AGPAT4: variants seen among roughly 807,000 people sequenced by gnomAD.
AGPAT4 encodes 1-acyl-sn-glycerol-3-phosphate acyltransferase delta.
AGPAT4 carries 15 observed loss-of-function variants against 48.0 expected under a neutral mutation model. The observed-to-expected ratio is 0.31, with a 90% CI of 0.21 to 0.48. The LOEUF is 0.48. AGPAT4 is among the 20% of genes least tolerant of loss of function. The probability of loss-of-function intolerance (pLI) is 0.99; values close to 1 mark genes in which losing one functional copy is unlikely to be tolerated. For synonymous variants in AGPAT4, 178 were observed against 198.7 expected (o/e 0.90, Z 0.88); for missense variants, 314 against 482.5 (o/e 0.65, Z 3.27).
At position 161,195,851 on chromosome 6, in the gene AGPAT4, T is replaced by C. The variant is rs879415394; in HGVS notation, c.179-29434A>G. 3.3e-5 allele frequency among the ~76,000 whole-genome samples: 5 copies of C among 152,246 alleles called. No homozygotes were observed. The highest frequency in any genetic ancestry group is 5.9e-5 in the Non-Finnish European group (4 of 68,040). ...CAGGTGTCAGGGCCAGCAGGCAGGC[T>C]GATTGTCTAGCGTTGGCATTAGGGC... On this transcript the variant is annotated intron_variant, in intron 2 of 8. Transcript: ENST00000320285. The surrounding 1 kb of genome is among the most constrained non-coding windows in gnomAD (Gnocchi z 5.0).
chr6:161,220,722 C>A lies in AGPAT4; in HGVS notation c.178+11314G>T, dbSNP rs73017414. 6.6e-6 allele frequency among the ~76,000 whole-genome samples: 1 copy of A among 152,076 alleles called. No individual in the cohort carries two copies. The highest frequency in any genetic ancestry group is 2.4e-5 in the African/African-American group (1 of 41,438). ...GGACAGTTTCATTCTATCTTTCCTA[C>A]GCAGACTGCCCCATTGGTTGTGCAA... On this transcript the variant is annotated intron_variant, in intron 2 of 8. Transcript: ENST00000320285. This position sits in a 1 kb window ranked among gnomAD's most constrained non-coding sequence, Gnocchi z 6.0.
rs1782233930 is a variant in AGPAT4 at position 161,234,989 on chromosome 6, C to T, written c.-89-2687G>A. On this transcript the variant is annotated intron_variant, in intron 1 of 8. Transcript: ENST00000320285. The surrounding 1 kb of genome is among the most constrained non-coding windows in gnomAD (Gnocchi z 4.4). The stretch of plus-strand genomic sequence containing the variant: ...AGCATTGGTGAAGTGTAAAGAGGAA[C>T]CCCAAGCAGATGAGCCTAAAGAGAA... Among the ~76,000 whole-genome samples, 1 of 151,716 alleles carries T rather than the reference C, an allele frequency of 6.6e-6. No homozygotes were observed. The highest frequency in any genetic ancestry group is 6.6e-5 in the Admixed American group (1 of 15,222).
chr6:161,167,284 G>T (rs1388763307), intron 2 of AGPAT4, among the ~76,000 whole-genome samples: 1 of 152,172 alleles, frequency 6.6e-6, no homozygotes, highest in Non-Finnish European at 1.5e-5. Flanking sequence ...TAAGTGTAGT[G>T]GTGTGATCAC....
In AGPAT4 at chr6:161,154,669, A is replaced by T. The variant is rs1247452601; in HGVS notation, c.349-359T>A. Among the ~76,000 whole-genome samples, 1 of 152,204 alleles carries T rather than the reference A, an allele frequency of 6.6e-6. No homozygotes were observed. The highest frequency in any genetic ancestry group is 1.5e-5 in the Non-Finnish European group (1 of 68,032). The stretch of plus-strand genomic sequence containing the variant: ...GGTTATCACCGTCACATACTCGCTA[A>T]GCCCACCGTGCAGCTGTGTGACACT... On this transcript the variant is annotated intron_variant, in intron 3 of 8. Coordinates refer to ENST00000320285, the MANE Select transcript of AGPAT4 (RefSeq NM_020133.3). The surrounding 1 kb of genome is among the most constrained non-coding windows in gnomAD (Gnocchi z 7.8).
At chr6:161,182,583 G>A (rs1368108800) in intron 2 of AGPAT4, among the ~76,000 whole-genome samples, 1 of 152,216 alleles carries the variant, frequency 6.6e-6, no homozygotes, top group Non-Finnish European at 1.5e-5. Flanking sequence ...TGCTGCATGT[G>A]TCCCTGGCAG....
At position 161,137,642 on chromosome 6, in the gene AGPAT4, TA is replaced by T. The variant is rs1264714734; in HGVS notation, c.1043-1009del. ...GGACCGTGTGGCCTTGGAAGAGGAGTAAAGAACACAAACACAAAGTCCTTCA... is the reference window on the plus strand; with the variant it reads ...GGACCGTGTGGCCTTGGAAGAGGAGTAAGAACACAAACACAAAGTCCTTCA... On this transcript the variant is annotated intron_variant, in intron 8 of 8. Coordinates refer to ENST00000320285, the MANE Select transcript of AGPAT4 (RefSeq NM_020133.3). The surrounding 1 kb of genome is among the most constrained non-coding windows in gnomAD (Gnocchi z 6.1). 8.3e-5 allele frequency among the ~76,000 whole-genome samples: 12 copies of T among 144,192 alleles called. No homozygotes were observed. Among genetic ancestry groups the T allele is most frequent in the African/African-American group, 3.5e-4 (12 of 34,782 alleles). 94.6% of individuals were successfully genotyped at this position (144,192 alleles called of 152,430 possible). A position where few individuals can be genotyped will look rare whatever the true frequency, so the allele number is the denominator to read the frequency against.
chr6:161,182,330 A>G (rs1034597987), intron 2 of AGPAT4, among the ~76,000 whole-genome samples: 2 of 135,180 alleles, frequency 1.5e-5, no homozygotes, highest in African/African-American at 5.6e-5. Flanking sequence ...CCTGCATCCC[A>G]GCCTCTCATC....
chr6:161,218,275 T>C lies in AGPAT4; in HGVS notation c.178+13761A>G, dbSNP rs1306318937. 2.0e-5 allele frequency among the ~76,000 whole-genome samples: 3 copies of C among 152,212 alleles called. No individual in the cohort carries two copies. The highest frequency in any genetic ancestry group is 2.9e-5 in the Non-Finnish European group (2 of 68,026). On this transcript the variant is annotated intron_variant, in intron 2 of 8. Transcript: ENST00000320285. The surrounding 1 kb of genome is among the most constrained non-coding windows in gnomAD (Gnocchi z 4.7). Reference sequence around the variant, plus strand: ...GAAAAAAAGCCCTGATTTATAGTTCTGCCGATTTCTATGGTGCAAATATTC... The same window carrying C: ...GAAAAAAAGCCCTGATTTATAGTTCCGCCGATTTCTATGGTGCAAATATTC...
rs938528508 is a variant in AGPAT4 at position 161,142,810 on chromosome 6, C to T, written c.844-3190G>A. ...TTGGTCTCAGCCCGCAGACACCACC[C>T]GAGTGCACGGCCAGGACTTGCAAAG... On this transcript the variant is annotated intron_variant, in intron 7 of 8. Coordinates refer to ENST00000320285, the MANE Select transcript of AGPAT4 (RefSeq NM_020133.3). The surrounding 1 kb of genome is among the most constrained non-coding windows in gnomAD (Gnocchi z 6.4). Among the ~76,000 whole-genome samples the T allele has an allele frequency of 6.6e-6, 1 of 152,210 alleles. No homozygotes were observed. Among genetic ancestry groups the T allele is most frequent in the Admixed American group, 6.5e-5 (1 of 15,290 alleles).
At position 161,137,196 on chromosome 6, in the gene AGPAT4, T is replaced by C. The variant is rs1046005220; in HGVS notation, c.1043-562A>G. ...ACCCTCGTGGGAGCCCAGTTTAATA[T>C]AGGAAGCTGGAAAGCAGGGCCTAAT... On this transcript the variant is annotated intron_variant, in intron 8 of 8. Coordinates refer to ENST00000320285, the MANE Select transcript of AGPAT4 (RefSeq NM_020133.3). This position sits in a 1 kb window ranked among gnomAD's most constrained non-coding sequence, Gnocchi z 6.1. 5.3e-5 allele frequency among the ~76,000 whole-genome samples: 8 copies of C among 152,252 alleles called. 1 individual carries two copies. The South Asian group carries it at 1.5e-3, about 28-fold the overall frequency.
Position 161,198,934 on chromosome 6 carries a change from C to T in AGPAT4, c.179-32517G>A, listed in dbSNP as rs1295399987. 6.6e-6 allele frequency among the ~76,000 whole-genome samples: 1 copy of T among 152,142 alleles called. No individual in the cohort carries two copies. Among genetic ancestry groups the T allele is most frequent in the Non-Finnish European group, 1.5e-5 (1 of 68,030 alleles). ...CCTCAAATATATGTCAGAATTACTG[C>T]TGATATCGATTCCTTTTTTGAAGCC... On this transcript the variant is annotated intron_variant, in intron 2 of 8. Coordinates refer to ENST00000320285, the MANE Select transcript of AGPAT4 (RefSeq NM_020133.3). This position sits in a 1 kb window ranked among gnomAD's most constrained non-coding sequence, Gnocchi z 4.3.
intron 1 of AGPAT4, among the ~76,000 whole-genome samples, chr6:161,252,767 G>A (rs748221238): frequency 2.6e-4 from 39 of 152,246 alleles, no homozygotes; most frequent in Admixed American, 4.6e-4. Flanking sequence ...CCAAGATCAC[G>A]CCACTGCATT....
At chr6:161,269,324 T>C (rs1783357546) in intron 1 of AGPAT4, among the ~76,000 whole-genome samples, 2 of 152,212 alleles carry the variant, frequency 1.3e-5, no homozygotes, top group South Asian at 2.1e-4. Context: ...TCAACCAGCA[T>C]GGAAGGTACA....
At position 161,171,473 on chromosome 6, in the gene AGPAT4, T is replaced by C. The variant is rs1216732745; in HGVS notation, c.179-5056A>G. 6.6e-6 allele frequency among the ~76,000 whole-genome samples: 1 copy of C among 152,240 alleles called. No individual in the cohort carries two copies. Among genetic ancestry groups the C allele is most frequent in the Non-Finnish European group, 1.5e-5 (1 of 68,048 alleles). On this transcript the variant is annotated intron_variant, in intron 2 of 8. Transcript: ENST00000320285. This position sits in a 1 kb window ranked among gnomAD's most constrained non-coding sequence, Gnocchi z 4.4. ...AGTGAGAGAAATAAGGGAAAGCGGC[T>C]GAACTCATCCACTTAGCAGGAACCC...
chr6:161,262,022 G>T lies in AGPAT4; in HGVS notation c.-90+11916C>A, dbSNP rs747071547. ...CGAGGGCTGGTGGTGAGGATTATCC[G>T]TAGACCTTTGCCTGGTACATCATCT... is the stretch of plus-strand genomic sequence containing the variant. On this transcript the variant is annotated intron_variant, in intron 1 of 8. Coordinates refer to ENST00000320285, the MANE Select transcript of AGPAT4 (RefSeq NM_020133.3). The surrounding 1 kb of genome is among the most constrained non-coding windows in gnomAD (Gnocchi z 4.9). 2.0e-5 allele frequency among the ~76,000 whole-genome samples: 3 copies of T among 152,140 alleles called. No individual in the cohort carries two copies. Among genetic ancestry groups the T allele is most frequent in the South Asian group, 4.1e-4 (2 of 4,824 alleles).
rs987453410 is a variant in AGPAT4, at chr6:161,139,743, G to C, written c.844-123C>G. On this transcript the variant is annotated intron_variant, in intron 7 of 8. Transcript: ENST00000320285. The surrounding 1 kb of genome is among the most constrained non-coding windows in gnomAD (Gnocchi z 9.1). ...GTGCCACCGGGGCTCGGCAGAACTG[G>C]GGTCTGCAGCTCCTTCCAGAAAGCA... The C allele has an allele frequency of 1.2e-6, 1 of 802,728 alleles. No homozygotes were observed. The highest frequency in any genetic ancestry group is 1.7e-5 in the African/African-American group (1 of 57,744). 49.7% of individuals were successfully genotyped at this position (802,728 alleles called of 1,614,324 possible).
rs368233895 is a variant in AGPAT4, at chr6:161,208,224, T to C, written c.178+23812A>G. ...TTCAGTCTCCTTTTTTATATGAACG[T>C]TAGCTACCAAGACAAGCACTGTTAC... On this transcript the variant is annotated intron_variant, in intron 2 of 8. Coordinates refer to ENST00000320285, the MANE Select transcript of AGPAT4 (RefSeq NM_020133.3). The surrounding 1 kb of genome is among the most constrained non-coding windows in gnomAD (Gnocchi z 4.6). Among the ~76,000 whole-genome samples, 23 of 152,292 alleles carry C rather than the reference T, an allele frequency of 1.5e-4. No homozygotes were observed. The East Asian group carries it at 4.1e-3, about 27-fold the overall frequency.
At position 161,220,253 on chromosome 6, in the gene AGPAT4, C is replaced by T. The variant is rs1200940297; in HGVS notation, c.178+11783G>A. ...CATTCCTAATACCTCCTTCTTTCTC[C>T]TAAATAAACAAAAATGTGTTGGCAT... On this transcript the variant is annotated intron_variant, in intron 2 of 8. Transcript: ENST00000320285. This position sits in a 1 kb window ranked among gnomAD's most constrained non-coding sequence, Gnocchi z 6.0. Among the ~76,000 whole-genome samples the T allele has an allele frequency of 6.6e-6, 1 of 152,134 alleles. No individual in the cohort carries two copies. Among genetic ancestry groups the T allele is most frequent in the Non-Finnish European group, 1.5e-5 (1 of 68,034 alleles).
chr6:161,196,952 G>GTCA lies in AGPAT4; in HGVS notation c.179-30536_179-30535insTGA. On this transcript the variant is annotated intron_variant, in intron 2 of 8. Transcript: ENST00000320285. This position sits in a 1 kb window ranked among gnomAD's most constrained non-coding sequence, Gnocchi z 4.3. The stretch of plus-strand genomic sequence containing the variant: ...TTACTGGGTGCCCGGAACTGCTCCA[G>GTCA]GCACTGGGGAAGTCAGCTGTGAACA... Among the ~76,000 whole-genome samples, 1 of 152,134 alleles carries GTCA rather than the reference G, an allele frequency of 6.6e-6. No homozygotes were observed. The highest frequency in any genetic ancestry group is 6.5e-5 in the Admixed American group (1 of 15,270).
Sources: allele counts gnomAD v4.1 joint callset (sites outside exome capture counted in the v4.1 genomes callset), GRCh38; gene constraint gnomAD v4.1.1; non-coding constraint Gnocchi (gnomAD v3.1); transcripts MANE v1.5; gene names NCBI Gene and HGNC (gene_info 2026-07-23, HGNC 2026-07-21).